Variants in RBM47 observed in about 807,000 individuals in gnomAD.
The protein encoded by RBM47 is RNA binding motif protein 47, also known as RNA-binding protein 47.
A neutral mutation model predicts 47.1 loss-of-function variants in RBM47; 21 were observed. The ratio of observed to expected loss-of-function variants is 0.45; its 90% CI spans 0.32 to 0.64. The LOEUF (loss-of-function observed/expected upper bound fraction) is 0.64. Among genes scored for constraint, RBM47 ranks in the 30% least tolerant of loss-of-function variants. The probability of loss-of-function intolerance (pLI) is 0.05; values close to 1 mark genes in which losing one functional copy is unlikely to be tolerated. For synonymous variants in RBM47, 375 were observed against 361.7 expected, an observed-to-expected ratio of 1.04 and a Z score of -0.42; for missense variants, 708 against 870.9, an observed-to-expected ratio of 0.81 and a Z score of 2.35.
chr4:40,585,031 A>T (rs115769288), intron 1 of RBM47, among the ~76,000 whole-genome samples: 217 of 152,368 alleles, frequency 1.4e-3, no homozygotes, highest in African/African-American at 5.0e-3. Flanking sequence ...AAATTAAGGC[A>T]GAGAAAATGA....
intron 1 of RBM47, among the ~76,000 whole-genome samples, chr4:40,579,657 C>G (rs958285714): frequency 6.6e-6 from 1 of 151,946 alleles, no homozygotes; most frequent in Non-Finnish European, 1.5e-5. Context: ...TCTCCATACA[C>G]GAGTCAATCT....
intron 1 of RBM47, among the ~76,000 whole-genome samples, chr4:40,612,698 T>C (rs1380008489): frequency 1.3e-5 from 2 of 152,200 alleles, no homozygotes; most frequent in Non-Finnish European, 2.9e-5. Context: ...ATGTCCAAGC[T>C]TCTCAGTACA....
intron 1 of RBM47, among the ~76,000 whole-genome samples, chr4:40,600,630 T>C (rs1735178346): frequency 8.2e-6 from 1 of 121,222 alleles, no homozygotes; most frequent in South Asian, 2.9e-4. Context: ...CGAGGCTCCG[T>C]CTCAAAAAAA....
At chr4:40,501,195 T>C (rs1322421649) in intron 2 of RBM47, among the ~76,000 whole-genome samples, 1 of 152,236 alleles carries the variant, frequency 6.6e-6, no homozygotes, top group African/African-American at 2.4e-5. Context: ...GCAGTTTTAA[T>C]TTAAGCATAA....
At chr4:40,453,758 G>A (rs1715804303) in intron 3 of RBM47, among the ~76,000 whole-genome samples, 1 of 152,182 alleles carries the variant, frequency 6.6e-6, no homozygotes. Flanking sequence ...AAAGAGAATA[G>A]CCAGCTTAAA....
intron 1 of RBM47, among the ~76,000 whole-genome samples, chr4:40,553,253 C>A (rs984780997): frequency 6.6e-6 from 1 of 151,210 alleles, no homozygotes; most frequent in Non-Finnish European, 1.5e-5. Context: ...TATTTCTCTT[C>A]TTTGCTCATA....
intron 1 of RBM47, among the ~76,000 whole-genome samples, chr4:40,579,263 A>G (rs13132400): frequency 0.24 from 35,351 of 150,306 alleles, 5,022 homozygotes; most frequent in East Asian, 0.45. Context: ...TCTACTAAAA[A>G]TACAAAAAAT....
rs186323621 is a variant in RBM47, at chr4:40,458,002, G to A, written c.-32+8575C>T. ...AAAATAAAACAAAATGAAAGTGAAC[G>A]TTCCCAAACATAAACTTACAGTCAT... On this transcript the variant is annotated intron_variant, in intron 3 of 6. Transcript: ENST00000295971. Among the ~76,000 whole-genome samples the A allele has an allele frequency of 3.1e-3, 465 of 152,116 alleles. 3 individuals carry two copies. The highest frequency in any genetic ancestry group is 3.8e-3 in the Non-Finnish European group (257 of 67,992).
chr4:40,456,425 C>T (rs1302298309), intron 3 of RBM47, among the ~76,000 whole-genome samples: 1 of 151,738 alleles, frequency 6.6e-6, no homozygotes, highest in Non-Finnish European at 1.5e-5. Context: ...AGGAAATTTC[C>T]TGTGTTGTTA....
intron 1 of RBM47, among the ~76,000 whole-genome samples, chr4:40,560,263 C>T (rs1439210263): frequency 6.6e-6 from 1 of 152,204 alleles, no homozygotes; most frequent in Non-Finnish European, 1.5e-5. Flanking sequence ...TCTTAAAATG[C>T]TTTCTGTGCT....
chr4:40,496,329 AAC>A (rs10597716), intron 2 of RBM47, among the ~76,000 whole-genome samples: 75,193 of 128,948 alleles, frequency 0.58, 19,558 homozygotes, highest in Non-Finnish European at 0.64. Context: ...GGAGAACTTA[AAC>A]ACACACACAC....
At chr4:40,607,331 C>T (rs11933597) in intron 1 of RBM47, among the ~76,000 whole-genome samples, 16,550 of 152,164 alleles carry the variant, frequency 0.11, 977 homozygotes, top group South Asian at 0.12. Context: ...AAGTTGATTA[C>T]TGGTTGCCAG....
At chr4:40,503,899 A>G (rs1723731966) in intron 2 of RBM47, among the ~76,000 whole-genome samples, 1 of 152,070 alleles carries the variant, frequency 6.6e-6, no homozygotes, top group African/African-American at 2.4e-5. Context: ...TAGGCTGGGC[A>G]TGGTGGCTCA....
chr4:40,453,401 G>A (rs972598693), intron 3 of RBM47, among the ~76,000 whole-genome samples: 3 of 152,178 alleles, frequency 2.0e-5, no homozygotes, highest in Non-Finnish European at 2.9e-5. Flanking sequence ...ACATGTAGCC[G>A]AGGATTGAAA....
In RBM47 at chr4:40,424,764, A is replaced by G. The variant is rs1714788983; in HGVS notation, c.*1140T>C. The G allele has an allele frequency of 1.3e-5, 2 of 152,204 alleles. No homozygotes were observed. The allele number at this position is 152,204 out of a possible 1,614,324, so 9.4% of individuals were successfully genotyped here. On this transcript the variant is annotated 3_prime_UTR_variant, in exon 7 of 7. Coordinates refer to ENST00000295971, the MANE Select transcript of RBM47 (RefSeq NM_001098634.2). The stretch of plus-strand genomic sequence containing the variant: ...ACTAGAAGCATAACTTTCTGCTGAA[A>G]AGAGTCTCTGGGGGTCTTGTCTACG...
rs547023111 is a variant in RBM47 at position 40,524,014 on chromosome 4, A to G, written c.-155+20408T>C. Among the ~76,000 whole-genome samples the G allele has an allele frequency of 3.9e-5, 6 of 152,312 alleles. No homozygotes were observed. The South Asian group carries it at 1.0e-3, about 26-fold the overall frequency. The stretch of plus-strand genomic sequence containing the variant: ...CATACAATGTTTGGGAAATACTTGT[A>G]CTAATAAATTATTTACTGTTTATCT... On this transcript the variant is annotated intron_variant, in intron 2 of 6. Coordinates refer to ENST00000295971, the MANE Select transcript of RBM47 (RefSeq NM_001098634.2).
At chr4:40,506,378 T>C (rs1252440742) in intron 2 of RBM47, among the ~76,000 whole-genome samples, 1 of 152,216 alleles carries the variant, frequency 6.6e-6, no homozygotes, top group African/African-American at 2.4e-5. Context: ...AGGAATCCTG[T>C]TCAAAGGGAA....
At chr4:40,553,667 G>C (rs1250181755) in intron 1 of RBM47, among the ~76,000 whole-genome samples, 1 of 152,062 alleles carries the variant, frequency 6.6e-6, no homozygotes, top group Non-Finnish European at 1.5e-5. Context: ...CATGATAAGG[G>C]ACTTTTTCTT....
chr4:40,527,642 G>T lies in RBM47; in HGVS notation c.-155+16780C>A, dbSNP rs528269721. ...GGGTTTCACCATGTTGGCCAGGCTG[G>T]TCTCGAACTCCTGGCCTCAACTGGT... On this transcript the variant is annotated intron_variant, in intron 2 of 6. Coordinates refer to ENST00000295971, the MANE Select transcript of RBM47 (RefSeq NM_001098634.2). 2.6e-5 allele frequency among the ~76,000 whole-genome samples: 4 copies of T among 151,008 alleles called. No individual in the cohort carries two copies. The East Asian group carries it at 7.9e-4, about 30-fold the overall frequency.
Sources: gnomAD v4.1 joint callset for allele counts (sites outside exome capture counted in the v4.1 genomes callset) on GRCh38, gnomAD v4.1.1 for gene constraint, MANE v1.5 for transcripts, NCBI Gene and HGNC (gene_info 2026-07-23, HGNC 2026-07-21) for gene names.